Variants in NAALADL2 observed in about 807,000 individuals in gnomAD.
The protein encoded by NAALADL2 is inactive N-acetylated-alpha-linked acidic dipeptidase-like protein 2.
Under a neutral mutation model 87.2 loss-of-function variants are expected in NAALADL2, and 76 were observed. The observed-to-expected ratio is 0.87, with a 90% CI of 0.72 to 1.05. The LOEUF (loss-of-function observed/expected upper bound fraction) is 1.05. Ranked by LOEUF, NAALADL2 falls within the 50% of genes least tolerant of loss-of-function variation. The pLI, the probability that NAALADL2 is intolerant of heterozygous loss-of-function variation, is 0.00. For synonymous variants in NAALADL2, 354 were observed against 331.0 expected, an observed-to-expected ratio of 1.07 and a Z score of -0.75; for missense variants, 1,089 against 945.8, an observed-to-expected ratio of 1.15 and a Z score of -1.99.
chr3:175,081,007 C>G (rs943847531), intron 1 of NAALADL2: 2 of 152,196 alleles, frequency 1.3e-5, no homozygotes, highest in African/African-American at 4.8e-5. Flanking sequence ...TCATATCCCT[C>G]TATCCCTCAG....
chr3:174,733,456 C>T (rs968269430), intron 2 of NAALADL2, among the ~76,000 whole-genome samples: 1 of 152,230 alleles, frequency 6.6e-6, no homozygotes, highest in Non-Finnish European at 1.5e-5. Flanking sequence ...TTTTTAATCA[C>T]ATGCATGGAT....
chr3:175,352,303 G>A (rs1452891885), intron 5 of NAALADL2, among the ~76,000 whole-genome samples: 1 of 152,068 alleles, frequency 6.6e-6, no homozygotes, highest in Admixed American at 6.6e-5. Flanking sequence ...AGGCTGAGGA[G>A]AAGAAGGAAG....
chr3:175,345,999 C>T (rs1271469353), intron 5 of NAALADL2, among the ~76,000 whole-genome samples: 1 of 152,080 alleles, frequency 6.6e-6, no homozygotes, highest in Non-Finnish European at 1.5e-5. Context: ...ATTTGTTCTT[C>T]CAATTGTTCA....
intron 1 of NAALADL2, among the ~76,000 whole-genome samples, chr3:174,954,553 A>C (rs957204695): frequency 6.6e-6 from 1 of 152,224 alleles, no homozygotes; most frequent in Non-Finnish European, 1.5e-5. Context: ...AAAGTTAGAT[A>C]AAAGAGTATA....
At chr3:174,696,897 G>C (rs963021474) in intron 2 of NAALADL2, among the ~76,000 whole-genome samples, 1 of 152,046 alleles carries the variant, frequency 6.6e-6, no homozygotes, top group Non-Finnish European at 1.5e-5. Flanking sequence ...TTCTTAGCAA[G>C]TCTTGCTTAA....
At chr3:174,818,870 G>T (rs1272333868) in intron 3 of NAALADL2, among the ~76,000 whole-genome samples, 3 of 151,972 alleles carry the variant, frequency 2.0e-5, no homozygotes, top group Non-Finnish European at 2.9e-5. Context: ...GCTTAGGCAG[G>T]TTCTTAGCCC....
At chr3:175,521,196 T>C (rs1480030366) in intron 9 of NAALADL2, among the ~76,000 whole-genome samples, 1 of 151,884 alleles carries the variant, frequency 6.6e-6, no homozygotes, top group Non-Finnish European at 1.5e-5. Flanking sequence ...TATACATTTT[T>C]CCCTTTTTTA....
At chr3:174,910,189 C>T (rs1178686648) in intron 1 of NAALADL2, among the ~76,000 whole-genome samples, 1 of 151,538 alleles carries the variant, frequency 6.6e-6, no homozygotes. Flanking sequence ...ACATAGAGAT[C>T]GTCAGAAGGT....
At chr3:175,093,616 T>C (rs1720580610) in intron 1 of NAALADL2, among the ~76,000 whole-genome samples, 1 of 150,254 alleles carries the variant, frequency 6.7e-6, no homozygotes, top group African/African-American at 2.4e-5. Flanking sequence ...AAGACATATA[T>C]AATTGATTTT....
At chr3:174,886,855 T>C (rs1021988063) in intron 1 of NAALADL2, among the ~76,000 whole-genome samples, 4 of 152,224 alleles carry the variant, frequency 2.6e-5, no homozygotes, top group African/African-American at 9.6e-5. Flanking sequence ...TCTCCTTTTA[T>C]ATTATCATTT....
chr3:175,026,319 G>A lies in NAALADL2; in HGVS notation c.44-70471G>A, dbSNP rs78009497. On this transcript the variant is annotated intron_variant, in intron 1 of 13. Coordinates refer to ENST00000454872, the MANE Select transcript of NAALADL2 (RefSeq NM_207015.3). Reference sequence around the variant, plus strand: ...TTTGAAGATGGAAAAAACAAATATTGTGCCACAAGTGAGCAAGAGGCCAGA... The same window carrying A: ...TTTGAAGATGGAAAAAACAAATATTATGCCACAAGTGAGCAAGAGGCCAGA... Among the ~76,000 whole-genome samples, 15 of 151,560 alleles carry A rather than the reference G, an allele frequency of 9.9e-5. No individual in the cohort carries two copies. In the East Asian group the frequency reaches 2.9e-3, roughly 30 times the overall value.
intron 9 of NAALADL2, among the ~76,000 whole-genome samples, chr3:175,527,269 G>T (rs180853909): frequency 6.6e-6 from 1 of 152,124 alleles, no homozygotes; most frequent in East Asian, 1.9e-4. Context: ...TTTACCTGCC[G>T]TCATAGCTGA....
At chr3:175,341,342 T>A (rs1270687662) in intron 5 of NAALADL2, among the ~76,000 whole-genome samples, 1 of 152,190 alleles carries the variant, frequency 6.6e-6, no homozygotes, top group Non-Finnish European at 1.5e-5. Flanking sequence ...CTTTATTTCT[T>A]TGCATGGCTG....
intron 3 of NAALADL2, among the ~76,000 whole-genome samples, chr3:174,800,039 G>T (rs1200648608): frequency 2.0e-5 from 3 of 152,222 alleles, no homozygotes; most frequent in Non-Finnish European, 4.4e-5. Flanking sequence ...CATTCAAGAT[G>T]TGAGTTGGGT....
At chr3:175,302,473 A>G (rs1371058213) in intron 4 of NAALADL2, among the ~76,000 whole-genome samples, 1 of 152,192 alleles carries the variant, frequency 6.6e-6, no homozygotes, top group Admixed American at 6.5e-5. Flanking sequence ...CATTTGAAAT[A>G]TGGAGTAGTT....
intron 4 of NAALADL2, among the ~76,000 whole-genome samples, chr3:175,299,703 A>G (rs7647137): frequency 0.17 from 25,500 of 152,076 alleles, 2,262 homozygotes; most frequent in African/African-American, 0.21. Context: ...GGCTGAGACC[A>G]TGGGGTTTTC....
chr3:174,716,629 C>A (rs1341917870), intron 2 of NAALADL2, among the ~76,000 whole-genome samples: 1 of 151,488 alleles, frequency 6.6e-6, no homozygotes, highest in Non-Finnish European at 1.5e-5. Context: ...AAAAAATATT[C>A]CAGGCTAAGA....
At chr3:175,344,102 G>A (rs916271327) in intron 5 of NAALADL2, among the ~76,000 whole-genome samples, 2 of 152,120 alleles carry the variant, frequency 1.3e-5, no homozygotes, top group Non-Finnish European at 2.9e-5. Context: ...ATCATGGACT[G>A]CTTTTATAAA....
chr3:175,160,059 G>A (rs112553761), intron 2 of NAALADL2, among the ~76,000 whole-genome samples: 9 of 149,044 alleles, frequency 6.0e-5, no homozygotes, highest in Middle Eastern at 3.4e-3. Context: ...GGCTGGCCTC[G>A]AACTCCGAAC....
Sources: gnomAD v4.1 joint callset for allele counts (sites outside exome capture counted in the v4.1 genomes callset) on GRCh38, gnomAD v4.1.1 for gene constraint, MANE v1.5 for transcripts, NCBI Gene and HGNC (gene_info 2026-07-23, HGNC 2026-07-21) for gene names.